The following TENM3 variants were observed in gnomAD, a reference collection of about 807,000 sequenced individuals.
TENM3 encodes teneurin-3.
In TENM3, 63 loss-of-function variants were observed where a neutral mutation model predicts 255.1. That is an observed-to-expected ratio of 0.25 (90% CI 0.20 to 0.30). TENM3 has a LOEUF of 0.30. Among genes scored for constraint, TENM3 ranks in the 10% least tolerant of loss-of-function variants. TENM3 has a pLI of 1.00. For missense variants in TENM3, 2,929 were observed against 3,461.1 expected (o/e 0.85, Z 3.86); for synonymous variants, 1,306 against 1,322.3 (o/e 0.99, Z 0.27).
At chr4:182,425,691 T>G (rs1223238341) in intron 3 of TENM3, among the ~76,000 whole-genome samples, 1 of 152,142 alleles carries the variant, frequency 6.6e-6, no homozygotes, top group Non-Finnish European at 1.5e-5. Flanking sequence ...TTCAAGTGAA[T>G]TTTCAACCAA....
At chr4:181,882,240 C>G in the TENM3 span, among the ~76,000 whole-genome samples, 2 of 152,180 alleles carry the variant, frequency 1.3e-5, no homozygotes, top group African/African-American at 4.8e-5. Context: ...AAGGGAGGTG[C>G]AGAATCAAAA....
At chr4:182,681,230 AAAG>A (rs748204638) in intron 10 of TENM3, among the ~76,000 whole-genome samples, 4 of 152,332 alleles carry the variant, frequency 2.6e-5, no homozygotes, top group Middle Eastern at 3.4e-3. Flanking sequence ...AGAAAGCAAA[AAAG>A]CACCATTTCC....
At chr4:182,481,648 A>C (rs1480722596) in intron 3 of TENM3, among the ~76,000 whole-genome samples, 1 of 152,152 alleles carries the variant, frequency 6.6e-6, no homozygotes, top group Admixed American at 6.6e-5. Context: ...ACACAAAATT[A>C]GCCAGGCATG....
the TENM3 span, among the ~76,000 whole-genome samples, chr4:181,737,182 T>C: frequency 2.0e-5 from 3 of 152,168 alleles, no homozygotes; most frequent in Non-Finnish European, 2.9e-5. Flanking sequence ...AGTACAGATA[T>C]ATTGTTCCAC....
At chr4:182,788,188 C>T (rs758298154) in intron 24 of TENM3, among the ~76,000 whole-genome samples, 1 of 152,128 alleles carries the variant, frequency 6.6e-6, no homozygotes, top group Non-Finnish European at 1.5e-5. Flanking sequence ...AATGTACAAG[C>T]CACCCCTCCC....
rs35451760 is a variant in TENM3, at chr4:182,175,314, AAT to A, written c.-76+30580_-76+30581del. 9.6e-3 allele frequency among the ~76,000 whole-genome samples: 1,132 copies of A among 117,544 alleles called. 20 individuals are homozygous for A. The highest frequency in any genetic ancestry group is 0.035 in the African/African-American group (1,040 of 30,058). The allele number at this position is 117,544 out of a possible 152,430, so 77.1% of individuals were successfully genotyped here. A position where few individuals can be genotyped will look rare whatever the true frequency, so the allele number is the denominator to read the frequency against. ...TGCTCTGCTTCATTAAAAAAAAAAA[AAT>A]ATATATATATATATATATACACACA... On this transcript the variant is annotated intron_variant, in intron 1 of 2. Coordinates refer to the TENM3 transcript ENST00000512480.
At chr4:182,508,689 G>A (rs1737076364) in intron 3 of TENM3, among the ~76,000 whole-genome samples, 1 of 152,190 alleles carries the variant, frequency 6.6e-6, no homozygotes, top group South Asian at 2.1e-4. Flanking sequence ...TTGTGCAATT[G>A]AGTGAGAAAG....
At chr4:182,104,803 G>A in the TENM3 span, among the ~76,000 whole-genome samples, 1 of 152,034 alleles carries the variant, frequency 6.6e-6, no homozygotes, top group African/African-American at 2.4e-5. Context: ...GTGAGCCACC[G>A]TGCCAGGACT....
At chr4:181,792,525 C>T in the TENM3 span, among the ~76,000 whole-genome samples, 3 of 152,080 alleles carry the variant, frequency 2.0e-5, no homozygotes, top group Non-Finnish European at 4.4e-5. Context: ...GAAAAAAATA[C>T]GTATTTTTTA....
At chr4:182,753,315 A>C (rs964617982) in intron 20 of TENM3, 135 bp from the exon 21 acceptor site, 1 of 659,308 alleles carries the variant, frequency 1.5e-6, no homozygotes, top group Non-Finnish European at 2.6e-6. Context: ...CGTGTTTGCA[A>C]TCTGCAGTCC....
the TENM3 span, among the ~76,000 whole-genome samples, chr4:181,823,273 C>A: frequency 6.6e-6 from 1 of 151,886 alleles, no homozygotes; most frequent in Non-Finnish European, 1.5e-5. Flanking sequence ...TCTTTTTTTC[C>A]AGGATAGACC....
chr4:181,541,659 A>G, the TENM3 span, among the ~76,000 whole-genome samples: 2 of 152,168 alleles, frequency 1.3e-5, no homozygotes, highest in Non-Finnish European at 2.9e-5. Flanking sequence ...CCCTCCCACA[A>G]CTGGCCTATT....
At chr4:182,598,213 C>T (rs1331435442) in intron 3 of TENM3, among the ~76,000 whole-genome samples, 2 of 152,124 alleles carry the variant, frequency 1.3e-5, no homozygotes, top group African/African-American at 4.8e-5. Flanking sequence ...TTTTAAATTT[C>T]CGGCCATCCA....
At chr4:181,746,616 A>G in the TENM3 span, among the ~76,000 whole-genome samples, 1 of 152,034 alleles carries the variant, frequency 6.6e-6, no homozygotes, top group Non-Finnish European at 1.5e-5. Flanking sequence ...TTAATTATCT[A>G]CTTATCTTAT....
the TENM3 span, among the ~76,000 whole-genome samples, chr4:181,489,707 C>A: frequency 6.6e-6 from 1 of 152,152 alleles, no homozygotes; most frequent in African/African-American, 2.4e-5. Context: ...AAGCTAGAAT[C>A]TTTTAAGGTT....
At chr4:182,036,379 C>T in the TENM3 span, among the ~76,000 whole-genome samples, 5 of 152,010 alleles carry the variant, frequency 3.3e-5, no homozygotes, top group African/African-American at 4.8e-5. Context: ...TTAGTAGAGA[C>T]GGGTTTTCAC....
chr4:181,628,610 T>C, the TENM3 span, among the ~76,000 whole-genome samples: 1 of 152,200 alleles, frequency 6.6e-6, no homozygotes, highest in Non-Finnish European at 1.5e-5. Context: ...CCATTGCTTG[T>C]TTTTGTCGGG....
the TENM3 span, among the ~76,000 whole-genome samples, chr4:182,129,681 A>G: frequency 5.3e-5 from 8 of 152,332 alleles, no homozygotes; most frequent in East Asian, 1.5e-3. Flanking sequence ...GGCAATTGAT[A>G]TATAAGTAAT....
At chr4:182,118,456 T>C in the TENM3 span, among the ~76,000 whole-genome samples, 1 of 152,032 alleles carries the variant, frequency 6.6e-6, no homozygotes, top group Non-Finnish European at 1.5e-5. Flanking sequence ...TTTTTATTTA[T>C]TTTTTTAGAG....
Sources: allele counts gnomAD v4.1 joint callset (sites outside exome capture counted in the v4.1 genomes callset), GRCh38; gene constraint gnomAD v4.1.1; transcripts MANE v1.5; gene names NCBI Gene and HGNC (gene_info 2026-07-23, HGNC 2026-07-21).